SLC7A11: variants seen among roughly 807,000 people sequenced by gnomAD.
SLC7A11 encodes cystine/glutamate transporter.
SLC7A11 carries 35 observed loss-of-function variants against 54.5 expected under a neutral mutation model. That is an observed-to-expected ratio of 0.64 (90% CI 0.49 to 0.85). SLC7A11 has a LOEUF of 0.85. Ranked by LOEUF, SLC7A11 falls within the 40% of genes least tolerant of loss-of-function variation. The pLI is 0.00. For missense variants in SLC7A11, 583 were observed against 618.1 expected (o/e 0.94, Z 0.60); for synonymous variants, 230 against 225.2 (o/e 1.02, Z -0.19).
At chr4:138,195,801 T>C (rs900159493) in intron 6 of SLC7A11, among the ~76,000 whole-genome samples, 3 of 152,180 alleles carry the variant, frequency 2.0e-5, no homozygotes, top group Non-Finnish European at 2.9e-5. Context: ...TTAAGGGCCC[T>C]TGAAGTGTTT....
At chr4:138,201,355 A>G (rs900268506) in intron 6 of SLC7A11, among the ~76,000 whole-genome samples, 5 of 152,080 alleles carry the variant, frequency 3.3e-5, no homozygotes, top group African/African-American at 1.2e-4. Context: ...AGCAAGATGT[A>G]TTTCTTCCAC....
intron 5 of SLC7A11, among the ~76,000 whole-genome samples, chr4:138,217,943 T>C (rs1278129513): frequency 6.6e-6 from 1 of 152,242 alleles, no homozygotes; most frequent in Non-Finnish European, 1.5e-5. Context: ...ACTGAGTGAT[T>C]CAAAACTAAT....
chr4:138,177,184 T>C (rs1011400665), intron 11 of SLC7A11: 2 of 152,166 alleles, frequency 1.3e-5, no homozygotes, highest in Non-Finnish European at 2.9e-5. Context: ...AGAGATTCAA[T>C]ATGCATATCA....
chr4:138,241,916 T>C lies in SLC7A11; in HGVS notation c.154A>G (p.Ile52Val), dbSNP rs1440382026. ...GCTCCAATGATGGTGCCAATGATAA[T>C]GGAGACTCCCCTCAGTAAAGTGACT... ...RKVTLLRGVSIIIGTIIGAGI... is the reference protein window; with the variant it reads ...RKVTLLRGVSVIIGTIIGAGI... The change falls in exon 1 of 12, where the codon ATT becomes GTT. Residue 52 changes from isoleucine to valine, a missense_variant. Coordinates refer to ENST00000280612, the MANE Select transcript of SLC7A11 (RefSeq NM_014331.4). 10 of 1,613,870 alleles carry C rather than the reference T, an allele frequency of 6.2e-6. No homozygotes were observed. Among genetic ancestry groups the C allele is most frequent in the East Asian group, 2.2e-5 (1 of 44,872 alleles).
At chr4:138,175,135 A>G (rs1736538074) in intron 11 of SLC7A11, among the ~76,000 whole-genome samples, 3 of 152,314 alleles carry the variant, frequency 2.0e-5, no homozygotes, top group Admixed American at 2.0e-4. Context: ...GTCTTTGTGA[A>G]CAGTCTGTTA....
At chr4:138,218,785 A>G (rs910408666) in intron 5 of SLC7A11, among the ~76,000 whole-genome samples, 1 of 152,102 alleles carries the variant, frequency 6.6e-6, no homozygotes, top group Non-Finnish European at 1.5e-5. Flanking sequence ...CTGCCTTTAG[A>G]TTACCATTTA....
chr4:138,181,442 C>T (rs992861552), intron 9 of SLC7A11, among the ~76,000 whole-genome samples: 8 of 152,106 alleles, frequency 5.3e-5, no homozygotes, highest in Admixed American at 2.6e-4. Flanking sequence ...TGACTGATAG[C>T]AGAGGCTTAA....
chr4:138,237,735 ATATTTTTTTTTTTTTTTTT>A (rs1322117486), intron 1 of SLC7A11, among the ~76,000 whole-genome samples: 3 of 9,214 alleles, frequency 3.3e-4, no homozygotes, highest in South Asian at 6.9e-3. Context: ...ATATATATAT[ATATTTTTTTTTTTTTTTTT>A]TTTTTTTTTT....
At chr4:138,204,599 T>C (rs1737362011) in intron 6 of SLC7A11, among the ~76,000 whole-genome samples, 2 of 151,984 alleles carry the variant, frequency 1.3e-5, no homozygotes, top group Admixed American at 1.3e-4. Flanking sequence ...AAGGAGTTTC[T>C]TGGTAAGACA....
intron 3 of SLC7A11, among the ~76,000 whole-genome samples, chr4:138,228,832 C>A (rs557896611): frequency 1.3e-5 from 2 of 150,036 alleles, no homozygotes; most frequent in Non-Finnish European, 3.0e-5. Flanking sequence ...CAGCCAAATG[C>A]AAATCTATAA....
chr4:138,241,724 T>C, intron 1 of SLC7A11, 69 bp downstream of exon 1: 1 of 1,300,740 alleles, frequency 7.7e-7, no homozygotes, highest in Non-Finnish European at 1.1e-6. Flanking sequence ...AAACTACCAT[T>C]TGCTTTCCCA....
intron 4 of SLC7A11, among the ~76,000 whole-genome samples, chr4:138,220,372 G>A (rs1737783455): frequency 6.6e-6 from 1 of 152,088 alleles, no homozygotes; most frequent in African/African-American, 2.4e-5. Flanking sequence ...CATACAGCTA[G>A]CTTGAAAAAT....
In SLC7A11 at chr4:138,236,354, T is replaced by C. The variant is rs1738206677; in HGVS notation, c.375A>G (p.Val125=). The C allele has an allele frequency of 6.2e-7, 1 of 1,613,600 alleles. No homozygotes were observed. The change falls in exon 2 of 12, where the codon GTA becomes GTG. Residue 125 remains valine, a synonymous_variant. Coordinates refer to ENST00000280612, the MANE Select transcript of SLC7A11 (RefSeq NM_014331.4). The part of the protein sequence containing the change: ...LEVFGPLPAF[V]RVWVELLIIR... Reference sequence around the variant, plus strand: ...TTATGAGGAGTTCCACCCAGACTCGTACAAAAGCTGGTAATGGACCAAAGA... The same window carrying C: ...TTATGAGGAGTTCCACCCAGACTCGCACAAAAGCTGGTAATGGACCAAAGA...
At chr4:138,222,355 C>G (rs1216829066) in intron 4 of SLC7A11, among the ~76,000 whole-genome samples, 1 of 152,216 alleles carries the variant, frequency 6.6e-6, no homozygotes, top group Non-Finnish European at 1.5e-5. Flanking sequence ...TCTAGATTCC[C>G]TTTCTTGGAA....
At chr4:138,225,430 C>T (rs1266209041) in intron 3 of SLC7A11, among the ~76,000 whole-genome samples, 1 of 151,696 alleles carries the variant, frequency 6.6e-6, no homozygotes, top group African/African-American at 2.4e-5. Context: ...GCTACAGGGG[C>T]ATCTAAGGGG....
chr4:138,179,280 C>A lies in SLC7A11; in HGVS notation c.1381G>T (p.Val461Phe), dbSNP rs775459597. The change falls in exon 11 of 12, where the codon GTC (valine) becomes TTC (phenylalanine). Residue 461 changes from valine (V) to phenylalanine (F), a missense_variant. Physicochemically the swap from Val to Phe is conservative, Grantham distance 50. Coordinates refer to ENST00000280612, the MANE Select transcript of SLC7A11 (RefSeq NM_014331.4). Reference protein sequence around the residue: ...GIGFVITLTGVPAYYLFIIWD... With the variant: ...GIGFVITLTGFPAYYLFIIWD... ...ATAATAAAGAGATAATACGCAGGGA[C>A]TCCAGTCAGAGTGATGACGAAGCCA... 2 of 1,612,692 alleles carry A rather than the reference C, an allele frequency of 1.2e-6. No individual in the cohort carries two copies. Among genetic ancestry groups the A allele is most frequent in the Non-Finnish European group, 8.5e-7 (1 of 1,179,046 alleles).
Position 138,167,973 on chromosome 4 carries a change from C to T in SLC7A11, c.*3983G>A, listed in dbSNP as rs143926993. 638 of 152,248 alleles carry T rather than the reference C, an allele frequency of 4.2e-3. 5 individuals carry two copies. The highest frequency in any genetic ancestry group is 0.015 in the African/African-American group (611 of 41,560). 9.4% of individuals were successfully genotyped at this position (152,248 alleles called of 1,614,324 possible). On this transcript the variant is annotated 3_prime_UTR_variant, in exon 12 of 12. Coordinates refer to ENST00000280612, the MANE Select transcript of SLC7A11 (RefSeq NM_014331.4). Reference sequence around the variant, plus strand: ...GAAACTATCTCCCTATATATCACATCATATATATTGTGAGAAAGTCACTTG... The same window carrying T: ...GAAACTATCTCCCTATATATCACATTATATATATTGTGAGAAAGTCACTTG...
At chr4:138,238,142 G>T (rs534066777) in intron 1 of SLC7A11, among the ~76,000 whole-genome samples, 20 of 151,998 alleles carry the variant, frequency 1.3e-4, no homozygotes, top group Non-Finnish European at 2.4e-4. Flanking sequence ...AACATTTAAC[G>T]ATACAATTCA....
chr4:138,205,837 G>A (rs976941006), intron 6 of SLC7A11, among the ~76,000 whole-genome samples: 1 of 151,990 alleles, frequency 6.6e-6, no homozygotes, highest in Non-Finnish European at 1.5e-5. Flanking sequence ...ATTATGGAAG[G>A]TATTTCTTTT....
Sources: gnomAD v4.1 joint callset for allele counts (sites outside exome capture counted in the v4.1 genomes callset) on GRCh38, gnomAD v4.1.1 for gene constraint, MANE v1.5 for transcripts, NCBI Gene and HGNC (gene_info 2026-07-23, HGNC 2026-07-21) for gene names.